Variants in UQCC1 observed in about 807,000 individuals in gnomAD.
The protein encoded by UQCC1 is bFGF-repressed Zic-binding protein.
In UQCC1, 38 loss-of-function variants were observed where a neutral mutation model predicts 48.0. That is an observed-to-expected ratio of 0.79 (90% CI 0.61 to 1.04). The LOEUF (loss-of-function observed/expected upper bound fraction) is 1.04. UQCC1 is among the 50% of genes least tolerant of loss of function. The probability of loss-of-function intolerance (pLI) is 0.00; values close to 1 mark genes in which losing one functional copy is unlikely to be tolerated. For synonymous variants in UQCC1, 111 were observed against 129.2 expected (o/e 0.86, Z 0.95); for missense variants, 368 against 381.8 (o/e 0.96, Z 0.30).
chr20:35,406,558 A>G (rs1358062501), intron 1 of UQCC1, among the ~76,000 whole-genome samples: 1 of 152,234 alleles, frequency 6.6e-6, no homozygotes, highest in East Asian at 1.9e-4. Context: ...AACAAAATGG[A>G]AAGAATTTGT....
rs200383613 is a variant in UQCC1, at chr20:35,314,685, T to C, written c.651+3A>G. ...CTGCCTAAGCCTTGGCAAACAATCT[T>C]ACCTCATCATATCCCAAGATCGCTG... On this transcript the variant is annotated splice_donor_region_variant and intron_variant, in intron 8 of 9. Transcript: ENST00000374385. The C allele has an allele frequency of 1.5e-4, 248 of 1,605,668 alleles. No individual in the cohort carries two copies. Among genetic ancestry groups the C allele is most frequent in the Non-Finnish European group, 1.9e-4 (225 of 1,173,770 alleles).
chr20:35,314,529 T>A (rs2061035541), intron 8 of UQCC1, among the ~76,000 whole-genome samples, 159 bp downstream of exon 8: 1 of 152,136 alleles, frequency 6.6e-6, no homozygotes, highest in South Asian at 2.1e-4. Flanking sequence ...GCTCAGCACA[T>A]TCATTCTCGC....
chr20:35,333,051 T>G (rs1459499841), intron 7 of UQCC1, among the ~76,000 whole-genome samples: 6 of 151,848 alleles, frequency 4.0e-5, no homozygotes, highest in Non-Finnish European at 8.8e-5. Flanking sequence ...ATTCTACCTA[T>G]TTCCAAAAAA....
intron 6 of UQCC1, among the ~76,000 whole-genome samples, chr20:35,362,502 G>T (rs901740149): frequency 3.9e-5 from 6 of 152,078 alleles, no homozygotes; most frequent in Non-Finnish European, 7.4e-5. Flanking sequence ...GACTACAGGT[G>T]CCCGCCACCA....
intron 8 of UQCC1, among the ~76,000 whole-genome samples, chr20:35,313,552 G>A (rs983986542): frequency 3.9e-5 from 6 of 152,088 alleles, no homozygotes; most frequent in African/African-American, 9.7e-5. Flanking sequence ...GACAACATTC[G>A]GAAGGACATC....
At chr20:35,379,795 G>A (rs780203752) in intron 4 of UQCC1, among the ~76,000 whole-genome samples, 9 of 152,026 alleles carry the variant, frequency 5.9e-5, no homozygotes, top group Non-Finnish European at 1.2e-4. Flanking sequence ...GACAGAGTGA[G>A]ACTCTGTCTC....
chr20:35,337,240 G>A (rs115716507), intron 7 of UQCC1, among the ~76,000 whole-genome samples: 272 of 151,386 alleles, frequency 1.8e-3, no homozygotes, highest in African/African-American at 6.4e-3. Flanking sequence ...CCAGGCTAGA[G>A]TGCAAATGCA....
At chr20:35,350,136 T>C (rs1053813846) in intron 6 of UQCC1, among the ~76,000 whole-genome samples, 11 of 152,226 alleles carry the variant, frequency 7.2e-5, no homozygotes, top group Admixed American at 2.6e-4. Context: ...GTTTTGTTTT[T>C]TTAATTTTAG....
In UQCC1 at chr20:35,411,960, C is replaced by A. The variant is rs1267755282; in HGVS notation, c.4G>T (p.Ala2Ser). Residue 2 changes from alanine to serine, a missense_variant, in exon 1 of 10, where the codon GCG becomes TCG. Physicochemically the swap from Ala to Ser is moderately conservative, Grantham distance 99 (BLOSUM62 1). Coordinates refer to ENST00000374385, the MANE Select transcript of UQCC1 (RefSeq NM_018244.5). ...CTCACAAGGACTCGCACCAGCAACG[C>A]CATGTTCCTCAATAACCATTTCCGG... M[A>S]LLVRVLRNQT... is the part of the protein sequence containing the mutation. The A allele has an allele frequency of 1.2e-6, 2 of 1,614,126 alleles. No homozygotes were observed. Among genetic ancestry groups the A allele is most frequent in the Non-Finnish European group, 8.5e-7 (1 of 1,180,056 alleles).
intron 1 of UQCC1, among the ~76,000 whole-genome samples, chr20:35,395,941 T>A (rs2062071766): frequency 1.3e-5 from 2 of 151,958 alleles, no homozygotes; most frequent in Admixed American, 6.6e-5. Flanking sequence ...TTCTGGCATT[T>A]TATGATTAGA....
intron 7 of UQCC1, among the ~76,000 whole-genome samples, chr20:35,330,935 C>T (rs185496141): frequency 6.6e-6 from 1 of 152,294 alleles, no homozygotes; most frequent in East Asian, 1.9e-4. Flanking sequence ...AGTTCTCCCA[C>T]TGTCCTTCTA....
At chr20:35,381,878 T>C in intron 4 of UQCC1, 40 bp downstream of exon 4, 1 of 1,213,834 alleles carries the variant, frequency 8.2e-7, no homozygotes. Context: ...GAAAGCACAA[T>C]GCCCAAAAGG....
intron 1 of UQCC1, among the ~76,000 whole-genome samples, chr20:35,405,270 C>A (rs2146544335): frequency 6.6e-6 from 1 of 152,286 alleles, no homozygotes; most frequent in Admixed American, 6.5e-5. Context: ...ACTAAGCTAT[C>A]TAAGCAGAGA....
intron 4 of UQCC1, among the ~76,000 whole-genome samples, chr20:35,377,907 G>A (rs186690686): frequency 9.2e-5 from 14 of 152,328 alleles, no homozygotes; most frequent in Admixed American, 8.5e-4. Flanking sequence ...GCAATCAGGA[G>A]CATTTTATAG....
intron 2 of UQCC1, chr20:35,384,504 G>A (rs2061913756): frequency 2.8e-6 from 1 of 353,304 alleles, no homozygotes; most frequent in African/African-American, 2.2e-5. Flanking sequence ...GGCTGGGTGT[G>A]GTGGTGCATG....
intron 7 of UQCC1, among the ~76,000 whole-genome samples, chr20:35,321,827 T>C (rs1263815795): frequency 6.6e-6 from 1 of 152,208 alleles, no homozygotes; most frequent in Non-Finnish European, 1.5e-5. Context: ...GCAGACAGAA[T>C]TGCAGAACCA....
chr20:35,338,697 C>A (rs980848691), intron 7 of UQCC1, among the ~76,000 whole-genome samples: 14 of 149,636 alleles, frequency 9.4e-5, no homozygotes, highest in African/African-American at 3.5e-4. Context: ...TGTAAAAAAT[C>A]AGCCTGGCAT....
intron 2 of UQCC1, among the ~76,000 whole-genome samples, chr20:35,393,002 T>C (rs1020060812): frequency 7.3e-5 from 11 of 151,102 alleles, no homozygotes; most frequent in African/African-American, 2.4e-4. Flanking sequence ...ACAGAAAAAA[T>C]ACATAACCCT....
chr20:35,403,342 T>C (rs1472046288), intron 1 of UQCC1, among the ~76,000 whole-genome samples: 3 of 152,184 alleles, frequency 2.0e-5, no homozygotes, highest in African/African-American at 4.8e-5. Context: ...TTTATGTGTA[T>C]ATATAGACAT....
Sources: allele counts gnomAD v4.1 joint callset (sites outside exome capture counted in the v4.1 genomes callset), GRCh38; gene constraint gnomAD v4.1.1; transcripts MANE v1.5; gene names NCBI Gene and HGNC (gene_info 2026-07-23, HGNC 2026-07-21).